Variants in CACNA1C observed in about 807,000 individuals in gnomAD.
CACNA1C encodes the protein voltage-dependent L-type calcium channel subunit alpha-1C.
A neutral mutation model predicts 229.0 loss-of-function variants in CACNA1C; 30 were observed. That is an observed-to-expected ratio of 0.13 (90% CI 0.10 to 0.18). CACNA1C has a LOEUF of 0.18. Among genes scored for constraint, CACNA1C ranks in the 10% least tolerant of loss-of-function variants. CACNA1C has a pLI of 1.00. For synonymous variants in CACNA1C, 1,114 were observed against 1,132.5 expected (o/e 0.98, Z 0.33); for missense variants, 1,658 against 2,845.0 (o/e 0.58, Z 9.49).
chr12:1,992,155 C>T (rs1388014517), intron 1 of CACNA1C: 1 of 205,808 alleles, frequency 4.9e-6, no homozygotes, highest in East Asian at 1.5e-4. Context: ...GGAGAAAACA[C>T]AATATTTTTC....
upstream of CACNA1C, among the ~76,000 whole-genome samples, chr12:2,052,522 C>A (rs1234127940): frequency 6.6e-6 from 1 of 151,456 alleles, no homozygotes; most frequent in South Asian, 2.1e-4. Context: ...GGACGCGCCG[C>A]CGCAGCGGAG....
chr12:2,679,764 G>A lies in CACNA1C; in HGVS notation c.5412G>A (p.Val1804=). ...CCCCCTTGTCCCCTGCCATCCGGGTGCAGGAGGTGGCGTGGAAGCTCAGCT... is the reference window on the plus strand; with the variant it reads ...CCCCCTTGTCCCCTGCCATCCGGGTACAGGAGGTGGCGTGGAAGCTCAGCT... ...HGPPLSPAIR[V]QEVAWKLSSN... The change falls in exon 42 of 47, where the codon GTG becomes GTA. Residue 1804 remains valine, a synonymous_variant. Coordinates refer to ENST00000399655, the MANE Select transcript of CACNA1C (RefSeq NM_000719.7). This position sits in a 1 kb window ranked among gnomAD's most constrained non-coding sequence, Gnocchi z 5.5. 1 of 1,583,608 alleles carries A rather than the reference G, an allele frequency of 6.3e-7. No individual in the cohort carries two copies. Among genetic ancestry groups the A allele is most frequent in the Non-Finnish European group, 8.6e-7 (1 of 1,164,116 alleles).
Position 2,508,490 on chromosome 12 carries a change from GA to G in CACNA1C, c.1217+3549del, listed in dbSNP as rs1166853881. On this transcript the variant is annotated intron_variant, in intron 8 of 46. Transcript: ENST00000399655. ...CATAGTGAGACCCTTTCTCTACAAAGAAAATATTTTTTAATTAGCTGGGCTT... is the reference window on the plus strand; with the variant it reads ...CATAGTGAGACCCTTTCTCTACAAAGAAATATTTTTTAATTAGCTGGGCTT... Among the ~76,000 whole-genome samples, 3 of 152,188 alleles carry G rather than the reference GA, an allele frequency of 2.0e-5. No homozygotes were observed. In the East Asian group the frequency reaches 5.8e-4, roughly 29 times the overall value.
chr12:2,129,345 A>T (rs1208873291), intron 3 of CACNA1C, among the ~76,000 whole-genome samples: 1 of 152,012 alleles, frequency 6.6e-6, no homozygotes, highest in Non-Finnish European at 1.5e-5. Context: ...CAATTGTTTG[A>T]CTCAGGGTTT....
chr12:2,543,972 G>C (rs1415833317), intron 9 of CACNA1C, among the ~76,000 whole-genome samples: 2 of 152,098 alleles, frequency 1.3e-5, no homozygotes, highest in African/African-American at 4.8e-5. Context: ...ATAGAAACTT[G>C]GTGACTGGCA....
intron 1 of CACNA1C, among the ~76,000 whole-genome samples, chr12:2,074,587 A>G (rs2062502536): frequency 6.6e-6 from 1 of 152,138 alleles, no homozygotes. Flanking sequence ...TCCAGGGAGT[A>G]CTGTTATTGA....
At chr12:2,659,937 A>G (rs957908409) in intron 34 of CACNA1C, 2 of 189,556 alleles carry the variant, frequency 1.1e-5, no homozygotes, top group East Asian at 1.4e-4. Flanking sequence ...CTACTTCAAG[A>G]TGAAGCAGAA....
intron 3 of CACNA1C, among the ~76,000 whole-genome samples, chr12:2,137,296 T>G (rs2093635102): frequency 6.6e-6 from 1 of 151,274 alleles, no homozygotes; most frequent in South Asian, 2.1e-4. Flanking sequence ...TCTCTGAGTT[T>G]TAGGTTTCTC....
Position 2,449,033 on chromosome 12 carries a change from A to G in CACNA1C, c.535A>G (p.Ile179Val), listed in dbSNP as rs1555599748. 6.2e-7 allele frequency: 1 copy of G among 1,604,532 alleles called. No homozygotes were observed. Among genetic ancestry groups the G allele is most frequent in the Non-Finnish European group, 8.5e-7 (1 of 1,173,496 alleles). Residue 179 changes from isoleucine (I) to valine (V), a missense_variant, in exon 4 of 47, where the codon ATC becomes GTC. Transcript: ENST00000399655. ...IFTVEAFLKV[I>V]AYGLLFHPNA... ...TACGGTGGAAGCGTTTTTAAAAGTA[A>G]TCGCCTATGGACTCCTCTTTCACCC...
At position 2,279,258 on chromosome 12, in the gene CACNA1C, G is replaced by T. The variant is rs951409613; in HGVS notation, c.477+158828G>T. ...GTGTTGGTCTATTTCTAGACCATCTGTTCAGTTCCATTGATCCATTTGTCT... is the reference window on the plus strand; with the variant it reads ...GTGTTGGTCTATTTCTAGACCATCTTTTCAGTTCCATTGATCCATTTGTCT... On this transcript the variant is annotated intron_variant, in intron 3 of 46. Coordinates refer to ENST00000399655, the MANE Select transcript of CACNA1C (RefSeq NM_000719.7). Among the ~76,000 whole-genome samples, 5 of 152,058 alleles carry T rather than the reference G, an allele frequency of 3.3e-5. No homozygotes were observed. In the East Asian group the frequency reaches 9.6e-4, roughly 29 times the overall value.
chr12:2,409,549 C>T lies in CACNA1C; in HGVS notation c.478-39427C>T, dbSNP rs144420138. ...ACAGGTAGAATCTTCAACGAGACTC[C>T]TATTTTAGGTTTCTCACCATAATTT... On this transcript the variant is annotated intron_variant, in intron 3 of 46. Coordinates refer to ENST00000399655, the MANE Select transcript of CACNA1C (RefSeq NM_000719.7). Among the ~76,000 whole-genome samples the T allele has an allele frequency of 1.6e-3, 244 of 152,336 alleles. 1 individual carries two copies. Among genetic ancestry groups the T allele is most frequent in the African/African-American group, 5.7e-3 (235 of 41,582 alleles).
chr12:2,190,468 T>C (rs937127132), intron 3 of CACNA1C, among the ~76,000 whole-genome samples: 3 of 152,208 alleles, frequency 2.0e-5, no homozygotes, highest in African/African-American at 7.2e-5. Flanking sequence ...TTTCAGGGTA[T>C]CGTAGACGTG....
At chr12:2,658,578 T>C (rs2095539938) in intron 34 of CACNA1C, among the ~76,000 whole-genome samples, 1 of 152,242 alleles carries the variant, frequency 6.6e-6, no homozygotes, top group Non-Finnish European at 1.5e-5. Context: ...TTTATGTCTT[T>C]ACTGCACTAT....
rs186699181 is a variant in CACNA1C, at chr12:2,383,570, G to A, written c.478-65406G>A. On this transcript the variant is annotated intron_variant, in intron 3 of 46. Coordinates refer to ENST00000399655, the MANE Select transcript of CACNA1C (RefSeq NM_000719.7). ...GAGGAGGCGATCCAATGAGACAGCAGAGTAAGTAGGGAATTTTCACTGCCT... is the reference window on the plus strand; with the variant it reads ...GAGGAGGCGATCCAATGAGACAGCAAAGTAAGTAGGGAATTTTCACTGCCT... Among the ~76,000 whole-genome samples, 35 of 152,316 alleles carry A rather than the reference G, an allele frequency of 2.3e-4. No homozygotes were observed. The East Asian group carries it at 4.8e-3, about 21-fold the overall frequency.
intron 3 of CACNA1C, among the ~76,000 whole-genome samples, chr12:2,226,161 AC>A: frequency 6.6e-6 from 1 of 151,260 alleles, no homozygotes; most frequent in Non-Finnish European, 1.5e-5. Flanking sequence ...ACACACACAC[AC>A]ACACACACAC....
chr12:2,335,392 C>T (rs1232944748), intron 3 of CACNA1C, among the ~76,000 whole-genome samples: 4 of 152,036 alleles, frequency 2.6e-5, no homozygotes, highest in Non-Finnish European at 5.9e-5. Flanking sequence ...GAGACAATCT[C>T]CAGGGTGATT....
At chr12:1,979,542 C>T (rs1388892134) in intron 1 of CACNA1C, among the ~76,000 whole-genome samples, 2 of 152,196 alleles carry the variant, frequency 1.3e-5, no homozygotes, top group African/African-American at 4.8e-5. Context: ...GAACTCCTGA[C>T]CTCAAGTGAT....
chr12:2,429,733 T>C (rs2099064972), intron 3 of CACNA1C, among the ~76,000 whole-genome samples: 1 of 152,198 alleles, frequency 6.6e-6, no homozygotes, highest in Non-Finnish European at 1.5e-5. Flanking sequence ...ATTTGATAGA[T>C]ACCAGTCCCT....
At chr12:2,235,049 G>T (rs1217515600) in intron 3 of CACNA1C, among the ~76,000 whole-genome samples, 6 of 152,190 alleles carry the variant, frequency 3.9e-5, no homozygotes, top group Middle Eastern at 6.8e-3. Flanking sequence ...TCAAGGGAAG[G>T]ATTCAGGCAG....
Sources: gnomAD v4.1 joint callset for allele counts (sites outside exome capture counted in the v4.1 genomes callset) on GRCh38, gnomAD v4.1.1 for gene constraint, Gnocchi (gnomAD v3.1) non-coding constraint, MANE v1.5 for transcripts, NCBI Gene and HGNC (gene_info 2026-07-23, HGNC 2026-07-21) for gene names.